The following CHCHD3 variants were observed in gnomAD, a reference collection of about 807,000 sequenced individuals.
CHCHD3 encodes coiled-coil-helix-coiled-coil-helix domain containing 3.
CHCHD3 carries 20 observed loss-of-function variants against 38.2 expected under a neutral mutation model. The ratio of observed to expected loss-of-function variants is 0.52; its 90% CI spans 0.37 to 0.76. The LOEUF (loss-of-function observed/expected upper bound fraction) is 0.76. Ranked by LOEUF, CHCHD3 falls within the 30% of genes least tolerant of loss-of-function variation. The probability of loss-of-function intolerance (pLI) is 0.00; values close to 1 mark genes in which losing one functional copy is unlikely to be tolerated. For missense variants in CHCHD3, 245 were observed against 279.2 expected (o/e 0.88, Z 0.87); for synonymous variants, 82 against 100.0 (o/e 0.82, Z 1.07).
chr7:133,056,772 T>C (rs147853794), intron 2 of CHCHD3, among the ~76,000 whole-genome samples: 98 of 152,304 alleles, frequency 6.4e-4, no homozygotes, highest in African/African-American at 2.3e-3. Flanking sequence ...TCACCTGCTA[T>C]ATTTCACTCA....
intron 2 of CHCHD3, among the ~76,000 whole-genome samples, chr7:133,031,682 G>A (rs186501515): frequency 1.6e-3 from 245 of 152,016 alleles, no homozygotes; most frequent in African/African-American, 5.8e-3. Context: ...ATAGGTCATG[G>A]CCAATTTTGT....
intron 6 of CHCHD3, among the ~76,000 whole-genome samples, chr7:132,799,983 A>T (rs2117034609): frequency 6.6e-6 from 1 of 152,262 alleles, no homozygotes; most frequent in East Asian, 1.9e-4. Flanking sequence ...AGTCCCAAAG[A>T]TTTGACCCCA....
chr7:132,914,742 T>C (rs1359068719), intron 4 of CHCHD3, among the ~76,000 whole-genome samples: 2 of 152,174 alleles, frequency 1.3e-5, no homozygotes, highest in Non-Finnish European at 2.9e-5. Context: ...TGTGTGCGCA[T>C]GTGGCTCAGT....
chr7:132,857,710 G>A (rs1328725064), intron 5 of CHCHD3, among the ~76,000 whole-genome samples: 1 of 152,034 alleles, frequency 6.6e-6, no homozygotes, highest in African/African-American at 2.4e-5. Flanking sequence ...GCCTGGCCTA[G>A]GCAGCCTATT....
chr7:132,822,684 C>T (rs574073649), intron 6 of CHCHD3, among the ~76,000 whole-genome samples: 8 of 152,228 alleles, frequency 5.3e-5, no homozygotes, highest in African/African-American at 1.4e-4. Context: ...TAATGCTACA[C>T]AGTTGGAAGG....
intron 4 of CHCHD3, among the ~76,000 whole-genome samples, chr7:132,930,429 A>G (rs1365701478): frequency 2.6e-5 from 4 of 152,052 alleles, no homozygotes; most frequent in Non-Finnish European, 5.9e-5. Context: ...TCAGCCTCCC[A>G]AAGTGCTGGG....
At chr7:133,043,529 C>G (rs1813889983) in intron 2 of CHCHD3, among the ~76,000 whole-genome samples, 2 of 151,858 alleles carry the variant, frequency 1.3e-5, no homozygotes, top group African/African-American at 4.8e-5. Context: ...GTAGTCCCAC[C>G]CAGCTACTCG....
intron 4 of CHCHD3, among the ~76,000 whole-genome samples, chr7:132,959,270 G>T (rs1194612961): frequency 6.6e-6 from 1 of 152,156 alleles, no homozygotes; most frequent in Non-Finnish European, 1.5e-5. Flanking sequence ...CAAATCTAGA[G>T]AAACAGCCCC....
At chr7:132,959,927 G>A (rs1297690874) in intron 4 of CHCHD3, among the ~76,000 whole-genome samples, 1 of 152,000 alleles carries the variant, frequency 6.6e-6, no homozygotes, top group Non-Finnish European at 1.5e-5. Context: ...AGTGTATTCT[G>A]GAAAGAGAAC....
chr7:132,789,485 G>A (rs966199079), intron 7 of CHCHD3, among the ~76,000 whole-genome samples: 1 of 152,150 alleles, frequency 6.6e-6, no homozygotes, highest in African/African-American at 2.4e-5. Context: ...CGCCCCTGGA[G>A]ACCTGAGATT....
intron 6 of CHCHD3, among the ~76,000 whole-genome samples, chr7:132,797,862 C>G (rs1052508333): frequency 6.6e-6 from 1 of 152,012 alleles, no homozygotes; most frequent in Non-Finnish European, 1.5e-5. Flanking sequence ...TAAATACATA[C>G]AGAGAAAAAA....
chr7:132,899,340 C>G (rs933552881), intron 4 of CHCHD3, among the ~76,000 whole-genome samples: 1 of 152,182 alleles, frequency 6.6e-6, no homozygotes, highest in Non-Finnish European at 1.5e-5. Flanking sequence ...CTTAGCCAGG[C>G]TGATGGGGAG....
intron 4 of CHCHD3, among the ~76,000 whole-genome samples, chr7:132,909,525 C>G (rs1398830959): frequency 6.6e-6 from 1 of 152,008 alleles, no homozygotes; most frequent in East Asian, 1.9e-4. Context: ...AACAGAAAAA[C>G]AAATCTCAAG....
chr7:133,003,008 A>T (rs1218930509), intron 3 of CHCHD3, among the ~76,000 whole-genome samples: 1 of 152,244 alleles, frequency 6.6e-6, no homozygotes, highest in Non-Finnish European at 1.5e-5. Context: ...TAGGAGTTGC[A>T]GTATGTATAC....
At chr7:132,833,463 G>A (rs1020596375) in intron 6 of CHCHD3, among the ~76,000 whole-genome samples, 7 of 152,088 alleles carry the variant, frequency 4.6e-5, no homozygotes, top group African/African-American at 1.7e-4. Flanking sequence ...ATATGCATTG[G>A]AAATGTAATC....
chr7:133,008,922 G>A (rs1421778553), intron 3 of CHCHD3, among the ~76,000 whole-genome samples: 3 of 150,722 alleles, frequency 2.0e-5, no homozygotes, highest in Non-Finnish European at 4.4e-5. Flanking sequence ...TGCTGAGTAT[G>A]TGTCATTCCT....
chr7:132,803,915 G>A (rs1806851711), intron 6 of CHCHD3, among the ~76,000 whole-genome samples: 1 of 150,816 alleles, frequency 6.6e-6, no homozygotes, highest in Non-Finnish European at 1.5e-5. Flanking sequence ...GAGAGAAATG[G>A]GGAGTTCAAG....
At chr7:133,055,012 T>C (rs911905339) in intron 2 of CHCHD3, among the ~76,000 whole-genome samples, 1 of 152,000 alleles carries the variant, frequency 6.6e-6, no homozygotes, top group African/African-American at 2.4e-5. Flanking sequence ...AACAGAGTTA[T>C]AAATAAGTAA....
chr7:132,949,658 T>C (rs564706855), intron 4 of CHCHD3, among the ~76,000 whole-genome samples: 159 of 152,212 alleles, frequency 1.0e-3, no homozygotes, highest in African/African-American at 3.6e-3. Context: ...CCTCATATAG[T>C]GTCAGTATTT....
Sources: allele counts gnomAD v4.1 joint callset (sites outside exome capture counted in the v4.1 genomes callset), GRCh38; gene constraint gnomAD v4.1.1; transcripts MANE v1.5; gene names NCBI Gene and HGNC (gene_info 2026-07-23, HGNC 2026-07-21).